The following FHIP1A variants were observed in gnomAD, a reference collection of about 807,000 sequenced individuals.
The protein encoded by FHIP1A is FHF complex subunit HOOK interacting protein 1A, also known as FHF complex subunit HOOK-interacting protein 1A.
A neutral mutation model predicts 88.6 loss-of-function variants in FHIP1A; 61 were observed. That is an observed-to-expected ratio of 0.69 (90% CI 0.56 to 0.85). The LOEUF (loss-of-function observed/expected upper bound fraction) is 0.85, where lower values mean the gene tolerates loss of function less well. FHIP1A is among the 40% of genes least tolerant of loss of function. FHIP1A has a pLI of 0.00. For missense variants in FHIP1A, 1,154 were observed against 1,273.5 expected, an observed-to-expected ratio of 0.91 and a Z score of 1.43; for synonymous variants, 478 against 496.0, an observed-to-expected ratio of 0.96 and a Z score of 0.48.
At chr4:151,448,900 T>A (rs1338043816) in intron 1 of FHIP1A, among the ~76,000 whole-genome samples, 3 of 152,228 alleles carry the variant, frequency 2.0e-5, no homozygotes, top group Non-Finnish European at 2.9e-5. Context: ...CCTTACCGGC[T>A]GTACTATTTT....
chr4:151,509,907 A>G (rs1730967990), intron 3 of FHIP1A, among the ~76,000 whole-genome samples: 1 of 152,180 alleles, frequency 6.6e-6, no homozygotes, highest in African/African-American at 2.4e-5. Context: ...TTTGTTGGGC[A>G]GGAACCTTTT....
chr4:151,477,906 A>G (rs1165675782), intron 2 of FHIP1A, among the ~76,000 whole-genome samples: 1 of 152,142 alleles, frequency 6.6e-6, no homozygotes, highest in African/African-American at 2.4e-5. Context: ...TAATATGAAA[A>G]TTTCATATTG....
chr4:151,666,377 C>T lies in FHIP1A; in HGVS notation c.*3623C>T, dbSNP rs1164570039. Among the ~76,000 whole-genome samples, 1 of 152,024 alleles carries T rather than the reference C, an allele frequency of 6.6e-6. No homozygotes were observed. The highest frequency in any genetic ancestry group is 1.5e-5 in the Non-Finnish European group (1 of 68,004). On this transcript the variant is annotated 3_prime_UTR_variant, in exon 14 of 14. Coordinates refer to ENST00000435205, the MANE Select transcript of FHIP1A (RefSeq NM_001109977.3). ...ATTTTGGAAAATGCTTTGATGTGCT[C>T]GGGTTGGAGTGGATGTCTGTCAGGT...
At chr4:151,568,955 A>G (rs1560774188) in intron 4 of FHIP1A, among the ~76,000 whole-genome samples, 1 of 152,160 alleles carries the variant, frequency 6.6e-6, no homozygotes, top group Non-Finnish European at 1.5e-5. Flanking sequence ...ATAAGGAATG[A>G]GATCTTCAGC....
At chr4:151,492,239 A>C (rs1730308601) in intron 3 of FHIP1A, among the ~76,000 whole-genome samples, 1 of 152,168 alleles carries the variant, frequency 6.6e-6, no homozygotes, top group Non-Finnish European at 1.5e-5. Flanking sequence ...TCCAAGATAG[A>C]CTATAAGATA....
At chr4:151,453,703 G>A (rs922684375) in intron 1 of FHIP1A, among the ~76,000 whole-genome samples, 8 of 152,012 alleles carry the variant, frequency 5.3e-5, no homozygotes, top group South Asian at 2.1e-4. Flanking sequence ...ACACAAATGC[G>A]TGGTGGCGCA....
intron 3 of FHIP1A, among the ~76,000 whole-genome samples, chr4:151,487,159 TC>T (rs2126641810): frequency 6.6e-6 from 1 of 152,282 alleles, no homozygotes; most frequent in Admixed American, 6.5e-5. Context: ...TTGAGATGTA[TC>T]TTTTTGTCCC....
intron 7 of FHIP1A, among the ~76,000 whole-genome samples, chr4:151,627,533 A>G (rs1039716312): frequency 6.6e-6 from 1 of 152,236 alleles, no homozygotes; most frequent in African/African-American, 2.4e-5. Context: ...AACTACATAC[A>G]TGGCCTGTTT....
intron 7 of FHIP1A, among the ~76,000 whole-genome samples, chr4:151,623,983 T>C (rs1735849758): frequency 6.6e-6 from 1 of 152,194 alleles, no homozygotes; most frequent in Non-Finnish European, 1.5e-5. Flanking sequence ...CACTCAGAAC[T>C]GTGTTTTGTT....
chr4:151,609,143 T>G lies in FHIP1A; in HGVS notation c.978+20217T>G, dbSNP rs113108746. ...AATGGAAATGTTATCAGCTTGGGATTGCAATACTGGCCACTCAGTGATGTC... is the reference window on the plus strand; with the variant it reads ...AATGGAAATGTTATCAGCTTGGGATGGCAATACTGGCCACTCAGTGATGTC... On this transcript the variant is annotated intron_variant, in intron 7 of 13. Coordinates refer to ENST00000435205, the MANE Select transcript of FHIP1A (RefSeq NM_001109977.3). Among the ~76,000 whole-genome samples the G allele has an allele frequency of 3.1e-3, 468 of 152,310 alleles. 1 individual carries two copies. The highest frequency in any genetic ancestry group is 0.011 in the African/African-American group (455 of 41,562).
chr4:151,476,413 TG>T (rs771472131), intron 2 of FHIP1A, among the ~76,000 whole-genome samples: 8 of 152,094 alleles, frequency 5.3e-5, no homozygotes, highest in Admixed American at 1.3e-4. Context: ...CCTCCAGAAG[TG>T]CTGGGATTAC....
intron 3 of FHIP1A, among the ~76,000 whole-genome samples, chr4:151,541,914 A>G (rs1417748938): frequency 6.6e-6 from 1 of 152,148 alleles, no homozygotes; most frequent in Non-Finnish European, 1.5e-5. Flanking sequence ...TTGCTTATGC[A>G]GAGTACAATT....
chr4:151,596,129 TTA>T (rs1403849170), intron 7 of FHIP1A, among the ~76,000 whole-genome samples: 3 of 152,224 alleles, frequency 2.0e-5, no homozygotes, highest in African/African-American at 7.2e-5. Flanking sequence ...TCAGTGGTCT[TTA>T]TAATTTGGTA....
At chr4:151,544,629 C>T (rs2126732985) in intron 3 of FHIP1A, among the ~76,000 whole-genome samples, 1 of 152,176 alleles carries the variant, frequency 6.6e-6, no homozygotes, top group East Asian at 1.9e-4. Context: ...GTGCTTTGTG[C>T]TTGGAAATAG....
chr4:151,505,141 A>G (rs1730788443), intron 3 of FHIP1A, among the ~76,000 whole-genome samples: 1 of 152,086 alleles, frequency 6.6e-6, no homozygotes, highest in Non-Finnish European at 1.5e-5. Context: ...TAAATGTCTT[A>G]CCCACTAGAT....
At chr4:151,592,838 A>G (rs1578793705) in intron 7 of FHIP1A, among the ~76,000 whole-genome samples, 3 of 152,164 alleles carry the variant, frequency 2.0e-5, no homozygotes, top group African/African-American at 4.8e-5. Flanking sequence ...GTCTTTGCCC[A>G]TGCCTGTGTC....
intron 3 of FHIP1A, among the ~76,000 whole-genome samples, chr4:151,510,661 G>A (rs968315571): frequency 5.9e-5 from 9 of 152,174 alleles, no homozygotes; most frequent in African/African-American, 2.2e-4. Context: ...CCTTCAAGGA[G>A]CTAGCAATCT....
At chr4:151,443,602 A>T (rs1728485534) in intron 1 of FHIP1A, among the ~76,000 whole-genome samples, 1 of 147,166 alleles carries the variant, frequency 6.8e-6, no homozygotes, top group African/African-American at 2.5e-5. Context: ...TTTTAAAAAG[A>T]TGTGTATGTA....
chr4:151,657,836 A>C (rs1274077334), intron 13 of FHIP1A, among the ~76,000 whole-genome samples: 2 of 152,160 alleles, frequency 1.3e-5, no homozygotes, highest in Non-Finnish European at 1.5e-5. Flanking sequence ...GCTGAAAAGA[A>C]CCCAGAACTC....
Sources: allele counts gnomAD v4.1 joint callset (sites outside exome capture counted in the v4.1 genomes callset), GRCh38; gene constraint gnomAD v4.1.1; transcripts MANE v1.5; gene names NCBI Gene and HGNC (gene_info 2026-07-23, HGNC 2026-07-21).